The following CPXM1 variants were observed in gnomAD, a reference collection of about 807,000 sequenced individuals.
CPXM1 encodes carboxypeptidase X, M14 family member 1.
Under a neutral mutation model 80.4 loss-of-function variants are expected in CPXM1, and 72 were observed. That is an observed-to-expected ratio of 0.90 (90% CI 0.74 to 1.09). The LOEUF (loss-of-function observed/expected upper bound fraction) is 1.09, where lower values mean the gene tolerates loss of function less well. CPXM1 is among the 50% of genes least tolerant of loss of function. CPXM1 has a pLI of 0.00. For synonymous variants in CPXM1, 403 were observed against 405.6 expected, an observed-to-expected ratio of 0.99 and a Z score of 0.08; for missense variants, 892 against 999.4, an observed-to-expected ratio of 0.89 and a Z score of 1.45.
In CPXM1 at chr20:2,795,166, T is replaced by G; in HGVS notation, c.1860+111A>C. Reference sequence around the variant, plus strand: ...ATACCAAGCATGGCCCATGGCATCTTGTGAGTCTGAATGCTCAGCTGGACC... The same window carrying G: ...ATACCAAGCATGGCCCATGGCATCTGGTGAGTCTGAATGCTCAGCTGGACC... On this transcript the variant is annotated intron_variant, in intron 12 of 13. Transcript: ENST00000380605. This position sits in a 1 kb window ranked among gnomAD's most constrained non-coding sequence, Gnocchi z 5.4. The G allele has an allele frequency of 7.7e-7, 1 of 1,291,156 alleles. No homozygotes were observed. Among genetic ancestry groups the G allele is most frequent in the East Asian group, 2.3e-5 (1 of 42,970 alleles). 80.0% of individuals were successfully genotyped at this position (1,291,156 alleles called of 1,614,324 possible).
At position 2,796,736 on chromosome 20, in the gene CPXM1, G is replaced by A; in HGVS notation, c.922-86C>T. On this transcript the variant is annotated intron_variant, in intron 7 of 13. Coordinates refer to ENST00000380605, the MANE Select transcript of CPXM1 (RefSeq NM_019609.5). The surrounding 1 kb of genome is among the most constrained non-coding windows in gnomAD (Gnocchi z 6.8). ...CATGTGCCATGGAAAGACTTAAAAA[G>A]TCAGCGATGGCCCACACAGAGGGGG... 1 of 1,548,678 alleles carries A rather than the reference G, an allele frequency of 6.5e-7. No individual in the cohort carries two copies. Among genetic ancestry groups the A allele is most frequent in the Non-Finnish European group, 8.8e-7 (1 of 1,141,894 alleles).
Position 2,794,441 on chromosome 20 carries a change from G to A in CPXM1, c.1964-10C>T, listed in dbSNP as rs375915044. The A allele has an allele frequency of 2.2e-5, 35 of 1,613,424 alleles. No homozygotes were observed. Among genetic ancestry groups the A allele is most frequent in the Admixed American group, 3.3e-5 (2 of 59,988 alleles). On this transcript the variant is annotated splice_polypyrimidine_tract_variant and intron_variant, in intron 13 of 13. Coordinates refer to ENST00000380605, the MANE Select transcript of CPXM1 (RefSeq NM_019609.5). This position sits in a 1 kb window ranked among gnomAD's most constrained non-coding sequence, Gnocchi z 5.2. ...TAATCCCCGCCCCACGCTGAGGAGAGTGAAGGGCACGATCAGGACCCAATT... is the reference window on the plus strand; with the variant it reads ...TAATCCCCGCCCCACGCTGAGGAGAATGAAGGGCACGATCAGGACCCAATT...
In CPXM1 at chr20:2,796,823, G is replaced by A. The variant is rs1210919802; in HGVS notation, c.922-173C>T. ...GCCGGGAGGAAGGGGTAGGACTGGG[G>A]GGGCGCCATAATAAGGGAAAGTGGG... is the stretch of plus-strand genomic sequence containing the variant. On this transcript the variant is annotated intron_variant, in intron 7 of 13. Coordinates refer to ENST00000380605, the MANE Select transcript of CPXM1 (RefSeq NM_019609.5). This position sits in a 1 kb window ranked among gnomAD's most constrained non-coding sequence, Gnocchi z 6.8. Among the ~76,000 whole-genome samples the A allele has an allele frequency of 6.6e-6, 1 of 152,072 alleles. No homozygotes were observed. The highest frequency in any genetic ancestry group is 2.4e-5 in the African/African-American group (1 of 41,398).
rs768929070 is a variant in CPXM1, at chr20:2,798,447, C to T, written c.431G>A (p.Arg144Gln). Residue 144 changes from arginine to glutamine, a missense_variant, in exon 3 of 14, where the codon CGA becomes CAA. Around this residue, in one of 2 missense-constraint regions of CPXM1, gnomAD observed 874 missense variants for 958.4 expected, o/e 0.91. Transcript: ENST00000380605. The part of the protein sequence containing the change: ...SSQSFGLGPH[R>Q]GRLNIQSGLE... ...ACTGACCTGAATGTTGAGCCGTCCTCGGTGTGGTCCAAGACCAAAGGACTG... is the reference window on the plus strand; with the variant it reads ...ACTGACCTGAATGTTGAGCCGTCCTTGGTGTGGTCCAAGACCAAAGGACTG... 2.9e-5 allele frequency: 47 copies of T among 1,613,688 alleles called. No homozygotes were observed. Among genetic ancestry groups the T allele is most frequent in the Non-Finnish European group, 3.5e-5 (41 of 1,179,876 alleles).
chr20:2,800,136 T>TGC (rs1016083964), intron 1 of CPXM1, among the ~76,000 whole-genome samples: 5 of 112,990 alleles, frequency 4.4e-5, no homozygotes, highest in African/African-American at 1.7e-4. Context: ...GCACTGTGTG[T>TGC]GCGCGCACGC....
At position 2,794,344 on chromosome 20, in the gene CPXM1, T is replaced by C. The variant is rs746665380; in HGVS notation, c.2051A>G (p.Asn684Ser). ...GCCCTCTTCAAAGGTGACCCGACAG[T>C]TCCGTGTCACTGAATGGTAGCCCTC... ...SAEGYHSVTR[N>S]CRVTFEEGPF... The change falls in exon 14 of 14, where the codon AAC becomes AGC. Residue 684 changes from asparagine to serine, a missense_variant. Around this residue, in one of 2 missense-constraint regions of CPXM1, gnomAD observed 874 missense variants for 958.4 expected, o/e 0.91. Coordinates refer to ENST00000380605, the MANE Select transcript of CPXM1 (RefSeq NM_019609.5). This position sits in a 1 kb window ranked among gnomAD's most constrained non-coding sequence, Gnocchi z 5.2. The C allele has an allele frequency of 4.5e-5, 73 of 1,613,984 alleles. No individual in the cohort carries two copies. Among genetic ancestry groups the C allele is most frequent in the Non-Finnish European group, 6.0e-5 (71 of 1,180,022 alleles).
rs766998478 is a variant in CPXM1, at chr20:2,796,977, C to T, written c.921+29G>A. 18 of 1,604,100 alleles carry T rather than the reference C, an allele frequency of 1.1e-5. No homozygotes were observed. The highest frequency in any genetic ancestry group is 1.7e-5 in the Admixed American group (1 of 59,868). On this transcript the variant is annotated intron_variant, in intron 7 of 13. Coordinates refer to ENST00000380605, the MANE Select transcript of CPXM1 (RefSeq NM_019609.5). The surrounding 1 kb of genome is among the most constrained non-coding windows in gnomAD (Gnocchi z 6.8). ...GGGGACCTGAGATGGGTGGGCCCTCCTTCCCAGGTCATAGGGGTTATATCT... is the reference window on the plus strand; with the variant it reads ...GGGGACCTGAGATGGGTGGGCCCTCTTTCCCAGGTCATAGGGGTTATATCT...
In CPXM1 at chr20:2,800,626, T is replaced by C; in HGVS notation, c.-54A>G. 7.8e-7 allele frequency: 1 copy of C among 1,289,642 alleles called. No individual in the cohort carries two copies. Among genetic ancestry groups the C allele is most frequent in the South Asian group, 2.2e-5 (1 of 45,830 alleles). The allele number at this position is 1,289,642 out of a possible 1,614,324, so 79.9% of individuals were successfully genotyped here. A position where few individuals can be genotyped will look rare whatever the true frequency, so the allele number is the denominator to read the frequency against. ...GGCTACGGCGGGTGGCGGGTCGGTC[T>C]CTTCCTGCCGAGTGCGCCGAGCCCC... On this transcript the variant is annotated 5_prime_UTR_variant, in exon 1 of 14. Coordinates refer to ENST00000380605, the MANE Select transcript of CPXM1 (RefSeq NM_019609.5).
chr20:2,800,111 AGT>A, intron 1 of CPXM1, among the ~76,000 whole-genome samples: 1 of 146,866 alleles, frequency 6.8e-6, no homozygotes, highest in South Asian at 2.2e-4. Context: ...TGTGAGTGTG[AGT>A]GTGCGCGCGC....
In CPXM1 at chr20:2,796,984, G is replaced by A; in HGVS notation, c.921+22C>T. On this transcript the variant is annotated intron_variant, in intron 7 of 13. Transcript: ENST00000380605. This position sits in a 1 kb window ranked among gnomAD's most constrained non-coding sequence, Gnocchi z 6.8. Reference sequence around the variant, plus strand: ...TGAGATGGGTGGGCCCTCCTTCCCAGGTCATAGGGGTTATATCTGACCTTC... The same window carrying A: ...TGAGATGGGTGGGCCCTCCTTCCCAAGTCATAGGGGTTATATCTGACCTTC... 1 of 1,609,212 alleles carries A rather than the reference G, an allele frequency of 6.2e-7. No individual in the cohort carries two copies.
Position 2,800,546 on chromosome 20 carries a change from G to A in CPXM1, c.27C>T (p.Ala9=). 7.4e-7 allele frequency: 1 copy of A among 1,351,672 alleles called. No homozygotes were observed. The highest frequency in any genetic ancestry group is 1.5e-5 in the African/African-American group (1 of 65,078). The allele number at this position is 1,351,672 out of a possible 1,614,324, so 83.7% of individuals were successfully genotyped here. The change falls in exon 1 of 14, where the codon GCC becomes GCT. Residue 9 remains alanine, a synonymous_variant. Transcript: ENST00000380605. The part of the protein sequence containing the change: MWGLLLAL[A]AFAPAVGPAL... ...CCGGGCCGACGGCCGGCGCGAAGGC[G>A]GCCAGGGCGAGCAGGAGCCCCCACA...
intron 1 of CPXM1, 29 bp downstream of exon 1, chr20:2,800,372 G>C (rs551190193): frequency 1.1e-4 from 157 of 1,488,456 alleles, no homozygotes; most frequent in Middle Eastern, 5.4e-4. Flanking sequence ...CGGCTTGCGG[G>C]GGAGCGGACC....
In CPXM1 at chr20:2,795,083, C is replaced by T. The variant is rs942853541; in HGVS notation, c.1860+194G>A. Among the ~76,000 whole-genome samples the T allele has an allele frequency of 3.3e-5, 5 of 152,158 alleles. No homozygotes were observed. Among genetic ancestry groups the T allele is most frequent in the African/African-American group, 7.2e-5 (3 of 41,430 alleles). On this transcript the variant is annotated intron_variant, in intron 12 of 13. Coordinates refer to ENST00000380605, the MANE Select transcript of CPXM1 (RefSeq NM_019609.5). This position sits in a 1 kb window ranked among gnomAD's most constrained non-coding sequence, Gnocchi z 5.4. ...GAGGCTCCTCCCACCGGCTCTAACA[C>T]GATGCCACGCTGCCAGCAAACTGCA... is the stretch of plus-strand genomic sequence containing the variant.
chr20:2,797,437 C>G, intron 5 of CPXM1, 95 bp from the exon 6 acceptor site: 1 of 1,329,624 alleles, frequency 7.5e-7, no homozygotes, highest in Non-Finnish European at 1.0e-6. Context: ...CTTACTGTCT[C>G]CCCACCCTAG....
rs778913234 is a variant in CPXM1, at chr20:2,796,063, T to C, written c.1341A>G (p.Ala447=). The C allele has an allele frequency of 6.2e-7, 1 of 1,614,102 alleles. No homozygotes were observed. Among genetic ancestry groups the C allele is most frequent in the Non-Finnish European group, 8.5e-7 (1 of 1,179,988 alleles). The change falls in exon 10 of 14, where the codon GCA becomes GCG. Residue 447 remains alanine (A), a synonymous_variant. Transcript: ENST00000380605. This position sits in a 1 kb window ranked among gnomAD's most constrained non-coding sequence, Gnocchi z 6.8. ...FADLNTPLWE[A]QDDGKVPHIV... is the part of the protein sequence containing the mutation. Reference sequence around the variant, plus strand: ...TGTGGGGCACCTTCCCATCGTCCTGTGCTTCCCACAGTGGTGTGTTGAGGT... The same window carrying C: ...TGTGGGGCACCTTCCCATCGTCCTGCGCTTCCCACAGTGGTGTGTTGAGGT...
Position 2,796,766 on chromosome 20 carries a change from C to T in CPXM1, c.922-116G>A, listed in dbSNP as rs1281746025. 4 of 1,423,396 alleles carry T rather than the reference C, an allele frequency of 2.8e-6. No homozygotes were observed. Among genetic ancestry groups the T allele is most frequent in the African/African-American group, 2.8e-5 (2 of 71,324 alleles). The allele number at this position is 1,423,396 out of a possible 1,614,324, so 88.2% of individuals were successfully genotyped here. A position where few individuals can be genotyped will look rare whatever the true frequency, so the allele number is the denominator to read the frequency against. On this transcript the variant is annotated intron_variant, in intron 7 of 13. Transcript: ENST00000380605. This position sits in a 1 kb window ranked among gnomAD's most constrained non-coding sequence, Gnocchi z 6.8. ...CGATGGCCCACACAGAGGGGGCATC[C>T]CATCATGGTACAGGAGGGGAGCGGC...
Position 2,798,543 on chromosome 20 carries a change from G to T in CPXM1, c.341-6C>A. 1 of 1,612,502 alleles carries T rather than the reference G, an allele frequency of 6.2e-7. No individual in the cohort carries two copies. The highest frequency in any genetic ancestry group is 1.3e-5 in the African/African-American group (1 of 75,032). ...CAGACCCAAAGGAGGACAGCCTGGG[G>T]CGGGGATAGAACAGTGAGACAGGAC... On this transcript the variant is annotated splice_region_variant and splice_polypyrimidine_tract_variant and intron_variant, in intron 2 of 13. Transcript: ENST00000380605.
chr20:2,796,609 G>T lies in CPXM1; in HGVS notation c.963C>A (p.Arg321=). The T allele has an allele frequency of 1.9e-6, 3 of 1,614,182 alleles. 1 individual carries two copies. In the South Asian group the frequency reaches 3.3e-5, roughly 18 times the overall value. Residue 321 remains arginine, a synonymous_variant, in exon 8 of 14, where the codon CGC becomes CGA. Transcript: ENST00000380605. The surrounding 1 kb of genome is among the most constrained non-coding windows in gnomAD (Gnocchi z 6.8). ...QVQEQCPNIT[R]IYSIGKSYQG... is the part of the protein sequence containing the mutation. ...GGTAGCTCTTCCCAATGCTGTAGAT[G>T]CGGGTGATGTTGGGGCATTGCTCTT... is the stretch of plus-strand genomic sequence containing the variant.
Position 2,795,641 on chromosome 20 carries a change from C to A in CPXM1, c.1678G>T (p.Gly560Cys). 6.2e-7 allele frequency: 1 copy of A among 1,614,070 alleles called. No individual in the cohort carries two copies. The highest frequency in any genetic ancestry group is 8.5e-7 in the Non-Finnish European group (1 of 1,180,008). ...CAGTCAGCCCCGTTGATGATGTTGC[C>A]GTGCACGGAGAAGTCCTGGCTGTGG... ...PCHSQDFSVHGNIINGADWHT... is the reference protein window; with the variant it reads ...PCHSQDFSVHCNIINGADWHT... The change falls in exon 11 of 14, where the codon GGC becomes TGC. Residue 560 changes from glycine to cysteine, a missense_variant. Physicochemically the swap from Gly to Cys is radical, Grantham distance 159. Around this residue, in one of 2 missense-constraint regions of CPXM1, gnomAD observed 874 missense variants for 958.4 expected, o/e 0.91. Transcript: ENST00000380605. The surrounding 1 kb of genome is among the most constrained non-coding windows in gnomAD (Gnocchi z 5.4).
Sources: allele counts gnomAD v4.1 joint callset (sites outside exome capture counted in the v4.1 genomes callset), GRCh38; gene constraint gnomAD v4.1.1; regional missense constraint gnomAD v4.1.1; non-coding constraint Gnocchi (gnomAD v3.1); transcripts MANE v1.5; gene names NCBI Gene and HGNC (gene_info 2026-07-23, HGNC 2026-07-21).